Variants in IKZF2 observed in about 807,000 individuals in gnomAD.
The protein encoded by IKZF2 is IKAROS family zinc finger 2.
A neutral mutation model predicts 49.2 loss-of-function variants in IKZF2; 15 were observed. The ratio of observed to expected loss-of-function variants is 0.30; its 90% CI spans 0.20 to 0.47. The LOEUF (loss-of-function observed/expected upper bound fraction) is 0.47. IKZF2 is among the 20% of genes least tolerant of loss of function. The probability of loss-of-function intolerance (pLI) is 1.00; values close to 1 mark genes in which losing one functional copy is unlikely to be tolerated. For missense variants in IKZF2, 567 were observed against 664.6 expected (o/e 0.85, Z 1.61); for synonymous variants, 227 against 221.4 (o/e 1.03, Z -0.23).
intron 4 of IKZF2, among the ~76,000 whole-genome samples, chr2:213,141,277 T>C (rs1217046526): frequency 2.0e-5 from 3 of 152,016 alleles, no homozygotes; most frequent in East Asian, 3.8e-4. Context: ...CTGTTAAATA[T>C]GCACCTGCCT....
intron 4 of IKZF2, among the ~76,000 whole-genome samples, chr2:213,125,158 A>G (rs1245000325): frequency 1.3e-5 from 2 of 152,230 alleles, no homozygotes; most frequent in African/African-American, 4.8e-5. Context: ...ATACAGAAAT[A>G]AAAGTCACAT....
At chr2:213,052,619 A>G (rs1368723506) in intron 5 of IKZF2, among the ~76,000 whole-genome samples, 1 of 152,078 alleles carries the variant, frequency 6.6e-6, no homozygotes, top group East Asian at 1.9e-4. Flanking sequence ...GAAACCCTCA[A>G]AGACAATACT....
rs1297275173 is a variant in IKZF2 at position 213,002,778 on chromosome 2, C to A, written c.*4582G>T. The A allele has an allele frequency of 6.6e-6, 1 of 151,906 alleles. No individual in the cohort carries two copies. Among genetic ancestry groups the A allele is most frequent in the African/African-American group, 2.4e-5 (1 of 41,382 alleles). The allele number at this position is 151,906 out of a possible 1,614,324, so 9.4% of individuals were successfully genotyped here. A position where few individuals can be genotyped will look rare whatever the true frequency, so the allele number is the denominator to read the frequency against. ...AGATTAGAAAATACAGATTCCAAGA[C>A]TAGAACAATACTAGTCTGGAGATGA... On this transcript the variant is annotated 3_prime_UTR_variant, in exon 9 of 9. Transcript: ENST00000434687.
chr2:213,129,319 T>G (rs990258597), intron 4 of IKZF2, among the ~76,000 whole-genome samples: 16 of 147,244 alleles, frequency 1.1e-4, no homozygotes, highest in Non-Finnish European at 1.9e-4. Context: ...AGGGGCTTAT[T>G]TATCTAGGAT....
intron 4 of IKZF2, among the ~76,000 whole-genome samples, chr2:213,064,453 T>A (rs2125437852): frequency 6.6e-6 from 1 of 152,090 alleles, no homozygotes; most frequent in Middle Eastern, 3.4e-3. Flanking sequence ...GGGCAAAATA[T>A]CTAACTTCCT....
rs1293023375 is a variant in IKZF2 at position 213,002,177 on chromosome 2, A to T, written c.*5183T>A. ...TAACTTTTATATTTTATTCACAATA[A>T]AAAGGACATCTTAGAAAACTAGTCA... On this transcript the variant is annotated 3_prime_UTR_variant, in exon 9 of 9. Transcript: ENST00000434687. The T allele has an allele frequency of 1.3e-5, 2 of 151,500 alleles. No homozygotes were observed. The highest frequency in any genetic ancestry group is 1.3e-4 in the Admixed American group (2 of 15,170). The allele number at this position is 151,500 out of a possible 1,614,324, so 9.4% of individuals were successfully genotyped here. A position where few individuals can be genotyped will look rare whatever the true frequency, so the allele number is the denominator to read the frequency against.
At chr2:213,073,209 G>C (rs1054079835) in intron 4 of IKZF2, among the ~76,000 whole-genome samples, 1 of 152,148 alleles carries the variant, frequency 6.6e-6, no homozygotes, top group East Asian at 1.9e-4. Flanking sequence ...AAGTTAATAC[G>C]AGGAGCTAAT....
At chr2:213,079,077 G>A (rs1703604874) in intron 4 of IKZF2, among the ~76,000 whole-genome samples, 2 of 152,110 alleles carry the variant, frequency 1.3e-5, no homozygotes, top group Non-Finnish European at 2.9e-5. Flanking sequence ...GGAGAAGGGG[G>A]AGAAGGTCTA....
intron 4 of IKZF2, among the ~76,000 whole-genome samples, chr2:213,124,970 C>A (rs1184289732): frequency 6.6e-6 from 1 of 152,090 alleles, no homozygotes; most frequent in Non-Finnish European, 1.5e-5. Context: ...TCTTTGTTTG[C>A]TACTTCTTAT....
intron 4 of IKZF2, among the ~76,000 whole-genome samples, chr2:213,082,613 T>A (rs959244624): frequency 1.3e-5 from 2 of 152,206 alleles, no homozygotes; most frequent in African/African-American, 4.8e-5. Flanking sequence ...ATATCCCATA[T>A]CATTCAAATT....
chr2:213,123,245 T>C (rs182928955), intron 4 of IKZF2, among the ~76,000 whole-genome samples: 1 of 152,328 alleles, frequency 6.6e-6, no homozygotes, highest in Admixed American at 6.5e-5. Flanking sequence ...AAGATGATCA[T>C]ACTTCCTTCA....
At chr2:213,020,689 T>C (rs528320900) in intron 7 of IKZF2, among the ~76,000 whole-genome samples, 173 of 152,200 alleles carry the variant, frequency 1.1e-3, no homozygotes, top group African/African-American at 4.0e-3. Flanking sequence ...TTGTTCAGGA[T>C]AACAAGAAAA....
chr2:213,106,203 T>A (rs1351806182), intron 4 of IKZF2, among the ~76,000 whole-genome samples: 1 of 151,440 alleles, frequency 6.6e-6, no homozygotes, highest in Non-Finnish European at 1.5e-5. Context: ...TATTTACATA[T>A]CTTTAAAATC....
At chr2:213,081,268 G>GA (rs547016658) in intron 4 of IKZF2, 373 of 129,964 alleles carry the variant, frequency 2.9e-3, no homozygotes, top group Non-Finnish European at 3.0e-3. Flanking sequence ...CAGAACAGAA[G>GA]AAAAAAAAAA....
rs755931199 is a variant in IKZF2 at position 213,124,250 on chromosome 2, GCGCACACACACA to G, written c.139+23446_139+23457del. Among the ~76,000 whole-genome samples the G allele has an allele frequency of 1.1e-3, 102 of 93,550 alleles. 2 individuals carry two copies. The highest frequency in any genetic ancestry group is 2.9e-3 in the Admixed American group (31 of 10,674). The allele number at this position is 93,550 out of a possible 152,430, so 61.4% of individuals were successfully genotyped here. A position where few individuals can be genotyped will look rare whatever the true frequency, so the allele number is the denominator to read the frequency against. ...CACGCACACATGCGCTCGCGCGCGCGCGCACACACACACACACACACACACACACACACACAC... is the reference window on the plus strand; with the variant it reads ...CACGCACACATGCGCTCGCGCGCGCGCACACACACACACACACACACACAC... On this transcript the variant is annotated intron_variant, in intron 4 of 8. Coordinates refer to ENST00000434687, the MANE Select transcript of IKZF2 (RefSeq NM_001387220.1).
At chr2:213,008,953 T>C (rs1372672620) in intron 8 of IKZF2, among the ~76,000 whole-genome samples, 1 of 152,136 alleles carries the variant, frequency 6.6e-6, no homozygotes, top group Non-Finnish European at 1.5e-5. Flanking sequence ...TAGTACCACC[T>C]AATAAAAATG....
intron 7 of IKZF2, among the ~76,000 whole-genome samples, chr2:213,016,462 T>C (rs1309655645): frequency 6.6e-6 from 1 of 152,160 alleles, no homozygotes; most frequent in Non-Finnish European, 1.5e-5. Flanking sequence ...CTGATACATT[T>C]TTCCTTAATT....
intron 4 of IKZF2, among the ~76,000 whole-genome samples, chr2:213,064,446 C>A (rs1701987652): frequency 6.6e-6 from 1 of 151,922 alleles, no homozygotes; most frequent in African/African-American, 2.4e-5. Context: ...GAATGGAGGG[C>A]AAAATATCTA....
intron 2 of IKZF2, 118 bp from the exon 3 acceptor site, chr2:213,148,762 C>T: frequency 1.4e-6 from 1 of 732,640 alleles, no homozygotes; most frequent in Non-Finnish European, 2.4e-6. Flanking sequence ...CACCTGTGCC[C>T]AGAAACATAC....
Sources: gnomAD v4.1 joint callset for allele counts (sites outside exome capture counted in the v4.1 genomes callset) on GRCh38, gnomAD v4.1.1 for gene constraint, MANE v1.5 for transcripts, NCBI Gene and HGNC (gene_info 2026-07-23, HGNC 2026-07-21) for gene names.